RBMS3: variants seen among roughly 807,000 people sequenced by gnomAD.
The protein encoded by RBMS3 is RNA-binding motif, single-stranded-interacting protein 3.
In RBMS3, 27 loss-of-function variants were observed where a neutral mutation model predicts 66.8. The observed-to-expected ratio is 0.40, with a 90% CI of 0.30 to 0.56. The LOEUF (loss-of-function observed/expected upper bound fraction) is 0.56, where lower values mean the gene tolerates loss of function less well. RBMS3 is among the 20% of genes least tolerant of loss of function. RBMS3 has a pLI of 0.40. For synonymous variants in RBMS3, 188 were observed against 183.0 expected (o/e 1.03, Z -0.22); for missense variants, 513 against 549.5 (o/e 0.93, Z 0.66).
intron 6 of RBMS3, among the ~76,000 whole-genome samples, chr3:29,846,061 GA>G (rs1191162083): frequency 5.3e-5 from 8 of 150,866 alleles, no homozygotes; most frequent in South Asian, 4.2e-4. Context: ...TTTTGTCTAT[GA>G]AAAAAAGTTT....
chr3:29,387,359 C>T (rs2125635668), intron 1 of RBMS3, among the ~76,000 whole-genome samples: 1 of 152,298 alleles, frequency 6.6e-6, no homozygotes, highest in African/African-American at 2.4e-5. Context: ...GAAAAAACAA[C>T]TCCATCCTTC....
chr3:29,935,738 T>G (rs982476378), intron 10 of RBMS3, among the ~76,000 whole-genome samples: 3 of 152,092 alleles, frequency 2.0e-5, no homozygotes, highest in African/African-American at 7.2e-5. Context: ...GAATTTCCAC[T>G]AATGTTCATA....
chr3:29,902,586 A>T (rs566478095), intron 10 of RBMS3, among the ~76,000 whole-genome samples: 1 of 151,836 alleles, frequency 6.6e-6, no homozygotes, highest in Non-Finnish European at 1.5e-5. Flanking sequence ...TCCTTTTTTC[A>T]GTAACTGGAG....
intron 1 of RBMS3, among the ~76,000 whole-genome samples, chr3:29,296,007 TC>T (rs894011439): frequency 2.6e-5 from 4 of 151,756 alleles, no homozygotes; most frequent in Admixed American, 6.6e-5. Context: ...AGGATTGTAC[TC>T]TTCCTTTGGT....
intron 4 of RBMS3, among the ~76,000 whole-genome samples, chr3:29,626,691 A>G (rs2049073273): frequency 6.6e-6 from 1 of 152,086 alleles, no homozygotes; most frequent in Non-Finnish European, 1.5e-5. Context: ...AAGCACCTGC[A>G]TATCGGCAGG....
At chr3:29,426,320 A>C (rs2040958071) in intron 1 of RBMS3, among the ~76,000 whole-genome samples, 1 of 152,202 alleles carries the variant, frequency 6.6e-6, no homozygotes, top group African/African-American at 2.4e-5. Context: ...ACTTTTTGCT[A>C]GCTTATAAAT....
intron 4 of RBMS3, among the ~76,000 whole-genome samples, chr3:29,638,279 C>T (rs1449543116): frequency 2.0e-5 from 3 of 151,140 alleles, no homozygotes; most frequent in African/African-American, 2.4e-5. Flanking sequence ...CATGCTAGGA[C>T]AGGTTCACAA....
At chr3:29,682,028 A>T (rs1448261532) in intron 4 of RBMS3, among the ~76,000 whole-genome samples, 1 of 152,146 alleles carries the variant, frequency 6.6e-6, no homozygotes, top group African/African-American at 2.4e-5. Context: ...TCATTTTTTG[A>T]CTTGTTAATA....
chr3:29,361,300 C>A (rs1416765462), intron 1 of RBMS3, among the ~76,000 whole-genome samples: 1 of 151,994 alleles, frequency 6.6e-6, no homozygotes, highest in Non-Finnish European at 1.5e-5. Context: ...TTCTCCTTCA[C>A]TTATGAAGCT....
intron 8 of RBMS3, among the ~76,000 whole-genome samples, chr3:29,892,027 T>C (rs551827065): frequency 4.9e-4 from 74 of 151,646 alleles, no homozygotes; most frequent in Admixed American, 9.2e-4. Flanking sequence ...ATTAATGTTA[T>C]TTTTATTGTC....
rs189925300 is a variant in RBMS3 at position 29,757,707 on chromosome 3, C to T, written c.558-5203C>T. Among the ~76,000 whole-genome samples, 515 of 152,322 alleles carry T rather than the reference C, an allele frequency of 3.4e-3. 4 individuals are homozygous for T. Among genetic ancestry groups the T allele is most frequent in the Non-Finnish European group, 5.8e-3 (397 of 68,024 alleles). ...TTATTTTGCAATAAGTTTACCTTCA[C>T]ATAGAAGCCATAATGATAATATAGA... On this transcript the variant is annotated intron_variant, in intron 5 of 14. Coordinates refer to ENST00000383767, the MANE Select transcript of RBMS3 (RefSeq NM_001003793.3).
intron 4 of RBMS3, among the ~76,000 whole-genome samples, chr3:29,609,832 G>A (rs1405112978): frequency 6.6e-6 from 1 of 152,010 alleles, no homozygotes; most frequent in Non-Finnish European, 1.5e-5. Context: ...GATGTGCAGA[G>A]CTTCCTTTCT....
At chr3:29,443,874 AG>A (rs1246991036) in intron 2 of RBMS3, among the ~76,000 whole-genome samples, 1 of 152,172 alleles carries the variant, frequency 6.6e-6, no homozygotes, top group African/African-American at 2.4e-5. Flanking sequence ...AAGAGAAATT[AG>A]GGATAACGCC....
At chr3:29,536,959 T>C (rs1228735846) in intron 3 of RBMS3, among the ~76,000 whole-genome samples, 1 of 152,198 alleles carries the variant, frequency 6.6e-6, no homozygotes, top group East Asian at 1.9e-4. Context: ...TTACTACCAG[T>C]AGGTTCTGGA....
At chr3:29,947,289 A>G (rs1367451347) in intron 12 of RBMS3, among the ~76,000 whole-genome samples, 2 of 151,578 alleles carry the variant, frequency 1.3e-5, no homozygotes, top group Non-Finnish European at 3.0e-5. Context: ...AAAGTGACTA[A>G]TGAAGTGGGG....
At chr3:29,579,804 T>A (rs553395359) in intron 3 of RBMS3, among the ~76,000 whole-genome samples, 2 of 152,288 alleles carry the variant, frequency 1.3e-5, no homozygotes, top group African/African-American at 4.8e-5. Flanking sequence ...AGTACGCTGC[T>A]CCTTAATCTG....
intron 6 of RBMS3, among the ~76,000 whole-genome samples, chr3:29,769,022 C>T (rs1472965014): frequency 6.6e-6 from 1 of 151,748 alleles, no homozygotes; most frequent in African/African-American, 2.4e-5. Flanking sequence ...ATTCACTTCA[C>T]TAAAATAGTA....
intron 6 of RBMS3, among the ~76,000 whole-genome samples, chr3:29,773,396 T>C (rs1276741920): frequency 6.6e-6 from 1 of 152,062 alleles, no homozygotes; most frequent in Non-Finnish European, 1.5e-5. Flanking sequence ...AATGTGTTTC[T>C]TAGCCAAAGT....
intron 4 of RBMS3, among the ~76,000 whole-genome samples, chr3:29,702,484 G>T (rs1406528938): frequency 6.6e-6 from 1 of 152,134 alleles, no homozygotes; most frequent in Non-Finnish European, 1.5e-5. Context: ...AACCCGCCGG[G>T]GTCCTCTTTC....
Sources: allele counts gnomAD v4.1 joint callset (sites outside exome capture counted in the v4.1 genomes callset), GRCh38; gene constraint gnomAD v4.1.1; transcripts MANE v1.5; gene names NCBI Gene and HGNC (gene_info 2026-07-23, HGNC 2026-07-21).